SUSD6: variants seen among roughly 807,000 people sequenced by gnomAD.
SUSD6 encodes sushi domain containing 6.
SUSD6 carries 16 observed loss-of-function variants against 28.4 expected under a neutral mutation model. That is an observed-to-expected ratio of 0.56 (90% CI 0.38 to 0.86). SUSD6 has a LOEUF of 0.86. SUSD6 is among the 40% of genes least tolerant of loss of function. SUSD6 has a pLI of 0.00. For missense variants in SUSD6, 341 were observed against 384.2 expected, an observed-to-expected ratio of 0.89 and a Z score of 0.94; for synonymous variants, 147 against 159.6, an observed-to-expected ratio of 0.92 and a Z score of 0.59.
intron 2 of SUSD6, among the ~76,000 whole-genome samples, chr14:69,671,250 C>T (rs1301125638): frequency 6.6e-6 from 1 of 152,142 alleles, no homozygotes; most frequent in African/African-American, 2.4e-5. Context: ...TGAGTCTAAA[C>T]AGGAAAGGAA....
intron 2 of SUSD6, among the ~76,000 whole-genome samples, chr14:69,679,471 A>G (rs753186912): frequency 5.3e-5 from 8 of 152,202 alleles, no homozygotes; most frequent in Non-Finnish European, 4.4e-5. Context: ...GGCATCCTCA[A>G]TAATTTTTAG....
At chr14:69,660,456 A>G (rs1885646227) in intron 2 of SUSD6, among the ~76,000 whole-genome samples, 2 of 152,210 alleles carry the variant, frequency 1.3e-5, no homozygotes, top group Admixed American at 1.3e-4. Context: ...CAATGTGGCC[A>G]TCATGGTTAT....
intron 2 of SUSD6, among the ~76,000 whole-genome samples, chr14:69,682,585 A>G (rs1446385990): frequency 1.3e-5 from 2 of 152,238 alleles, no homozygotes; most frequent in East Asian, 1.9e-4. Context: ...AGATTTTGCC[A>G]TCCACTGAAG....
intron 2 of SUSD6, among the ~76,000 whole-genome samples, chr14:69,679,117 T>A (rs1487803417): frequency 6.6e-6 from 1 of 152,216 alleles, no homozygotes; most frequent in African/African-American, 2.4e-5. Flanking sequence ...GGCTTTAATT[T>A]TGTATTTCCT....
At chr14:69,674,873 C>T (rs1885884509) in intron 2 of SUSD6, among the ~76,000 whole-genome samples, 1 of 152,194 alleles carries the variant, frequency 6.6e-6, no homozygotes, top group Non-Finnish European at 1.5e-5. Flanking sequence ...TTTCAGGTAG[C>T]TCAGGCACTG....
chr14:69,704,075 C>G (rs1011504583), intron 3 of SUSD6, among the ~76,000 whole-genome samples: 1 of 152,172 alleles, frequency 6.6e-6, no homozygotes, highest in Middle Eastern at 3.2e-3. Context: ...GCTTCCCACT[C>G]AGGCTTCAAG....
chr14:69,669,707 CT>C (rs61703713), intron 2 of SUSD6, among the ~76,000 whole-genome samples: 33,518 of 152,164 alleles, frequency 0.22, 4,043 homozygotes, highest in South Asian at 0.31. Context: ...CCATACTTCT[CT>C]TTATCCTTCA....
intron 2 of SUSD6, among the ~76,000 whole-genome samples, chr14:69,698,867 T>C (rs1886272035): frequency 6.6e-6 from 1 of 152,208 alleles, no homozygotes; most frequent in Non-Finnish European, 1.5e-5. Context: ...TGATTTTTTT[T>C]CCCCCTGTAA....
intron 1 of SUSD6, among the ~76,000 whole-genome samples, chr14:69,622,869 C>T (rs963541631): frequency 6.6e-6 from 1 of 152,230 alleles, no homozygotes; most frequent in Non-Finnish European, 1.5e-5. Flanking sequence ...GTTGGGATTG[C>T]AGGCGTGAGC....
chr14:69,692,038 C>CAAAA (rs200335924), intron 2 of SUSD6, among the ~76,000 whole-genome samples: 9 of 68,306 alleles, frequency 1.3e-4, no homozygotes, highest in African/African-American at 2.4e-4. Context: ...GACTCCGTCT[C>CAAAA]AAAAAAAAAA....
intron 2 of SUSD6, among the ~76,000 whole-genome samples, chr14:69,701,066 C>T (rs1238873602): frequency 1.3e-5 from 2 of 151,968 alleles, no homozygotes; most frequent in African/African-American, 4.8e-5. Flanking sequence ...TGGTCATATC[C>T]CTATTTGGCA....
intron 2 of SUSD6, among the ~76,000 whole-genome samples, chr14:69,689,962 G>T (rs1025852149): frequency 6.6e-6 from 1 of 152,224 alleles, no homozygotes. Context: ...CACCATGCCC[G>T]TGTTTTTTTA....
intron 1 of SUSD6, among the ~76,000 whole-genome samples, chr14:69,657,831 G>A (rs1413487010): frequency 1.3e-5 from 2 of 152,090 alleles, no homozygotes; most frequent in Non-Finnish European, 2.9e-5. Context: ...CTATTTTTCT[G>A]AAGTCTTTGT....
intron 1 of SUSD6, among the ~76,000 whole-genome samples, chr14:69,646,700 C>CTTTTTTTTTTTTT (rs61409476): frequency 9.2e-6 from 1 of 109,220 alleles, no homozygotes; most frequent in African/African-American, 3.5e-5. Context: ...TTTTTTCCAT[C>CTTTTTTTTTTTTT]TTTTTTTTTT....
chr14:69,701,945 G>C (rs1886318483), intron 2 of SUSD6, among the ~76,000 whole-genome samples: 1 of 152,112 alleles, frequency 6.6e-6, no homozygotes, highest in Non-Finnish European at 1.5e-5. Context: ...CCCCAACCTG[G>C]CTGGCAGTCA....
chr14:69,702,136 A>G (rs933004773), intron 2 of SUSD6, among the ~76,000 whole-genome samples: 1 of 152,218 alleles, frequency 6.6e-6, no homozygotes, highest in African/African-American at 2.4e-5. Flanking sequence ...GAAATGAGAA[A>G]AAGAAAACGA....
At chr14:69,670,885 G>A (rs1694899220) in intron 2 of SUSD6, among the ~76,000 whole-genome samples, 1 of 152,240 alleles carries the variant, frequency 6.6e-6, no homozygotes, top group South Asian at 2.1e-4. Context: ...TGAAACTTTG[G>A]ATGTCCAATA....
At chr14:69,667,669 C>A (rs1318560618) in intron 2 of SUSD6, among the ~76,000 whole-genome samples, 2 of 152,066 alleles carry the variant, frequency 1.3e-5, no homozygotes, top group Non-Finnish European at 2.9e-5. Flanking sequence ...AGGTGTGAGC[C>A]ACTGTGCCTG....
At chr14:69,695,140 G>A (rs988856884) in intron 2 of SUSD6, among the ~76,000 whole-genome samples, 9 of 150,988 alleles carry the variant, frequency 6.0e-5, no homozygotes, top group Non-Finnish European at 1.2e-4. Flanking sequence ...GGTTGCAAAT[G>A]GCATGAGAAA....
Sources: gnomAD v4.1 joint callset for allele counts (sites outside exome capture counted in the v4.1 genomes callset) on GRCh38, gnomAD v4.1.1 for gene constraint, MANE v1.5 for transcripts, NCBI Gene and HGNC (gene_info 2026-07-23, HGNC 2026-07-21) for gene names.